Variants in LRFN5 observed in about 807,000 individuals in gnomAD.
LRFN5 encodes the protein leucine-rich repeat and fibronectin type-III domain-containing protein 5.
A neutral mutation model predicts 45.6 loss-of-function variants in LRFN5; 24 were observed. The observed-to-expected ratio is 0.53, with a 90% CI of 0.38 to 0.74. The LOEUF (loss-of-function observed/expected upper bound fraction) is 0.74, where lower values mean the gene tolerates loss of function less well. Ranked by LOEUF, LRFN5 falls within the 30% of genes least tolerant of loss-of-function variation. LRFN5 has a pLI of 0.00. For synonymous variants in LRFN5, 340 were observed against 313.8 expected (o/e 1.08, Z -0.88); for missense variants, 776 against 861.5 (o/e 0.90, Z 1.24).
At chr14:41,867,320 TGTTA>T (rs918403675) in intron 2 of LRFN5, among the ~76,000 whole-genome samples, 4 of 151,976 alleles carry the variant, frequency 2.6e-5, no homozygotes, top group Non-Finnish European at 5.9e-5. Context: ...TCATGTTAAA[TGTTA>T]GTTGGTGTAT....
chr14:41,880,817 C>T (rs1392776251), intron 2 of LRFN5, among the ~76,000 whole-genome samples: 1 of 152,150 alleles, frequency 6.6e-6, no homozygotes, highest in Non-Finnish European at 1.5e-5. Flanking sequence ...TCTGCTGAGT[C>T]CATGTGCATT....
At chr14:41,864,613 A>T (rs1002817934) in intron 2 of LRFN5, among the ~76,000 whole-genome samples, 1 of 152,198 alleles carries the variant, frequency 6.6e-6, no homozygotes, top group Non-Finnish European at 1.5e-5. Context: ...CTTATCACCA[A>T]ATAAGGTCAC....
At chr14:41,747,688 T>A (rs1884977072) in intron 1 of LRFN5, among the ~76,000 whole-genome samples, 1 of 151,968 alleles carries the variant, frequency 6.6e-6, no homozygotes, top group Non-Finnish European at 1.5e-5. Context: ...GAACATTTTT[T>A]AAAGTGCATA....
chr14:41,852,670 C>G (rs1241388424), intron 2 of LRFN5, among the ~76,000 whole-genome samples: 1 of 151,618 alleles, frequency 6.6e-6, no homozygotes, highest in African/African-American at 2.4e-5. Context: ...CTAAATTTAC[C>G]CATTAAGTTT....
intron 1 of LRFN5, among the ~76,000 whole-genome samples, chr14:41,671,285 G>A (rs1434424937): frequency 6.6e-6 from 1 of 152,064 alleles, no homozygotes. Context: ...TAAATATAAT[G>A]TCAATTGCAA....
intron 2 of LRFN5, among the ~76,000 whole-genome samples, chr14:41,813,680 T>C (rs1252920626): frequency 6.6e-6 from 1 of 152,172 alleles, no homozygotes; most frequent in Non-Finnish European, 1.5e-5. Context: ...TACAGTAGAA[T>C]GATTTATAAA....
chr14:41,650,668 A>G (rs1880068448), intron 1 of LRFN5, among the ~76,000 whole-genome samples: 1 of 152,188 alleles, frequency 6.6e-6, no homozygotes, highest in South Asian at 2.1e-4. Context: ...ATATTTATGT[A>G]GATTTATATG....
At chr14:41,726,658 AT>A (rs1338268672) in intron 1 of LRFN5, among the ~76,000 whole-genome samples, 1 of 152,112 alleles carries the variant, frequency 6.6e-6, no homozygotes, top group African/African-American at 2.4e-5. Flanking sequence ...TTTAATGGCC[AT>A]CACAGAAATC....
At chr14:41,711,888 A>G (rs548124847) in intron 1 of LRFN5, among the ~76,000 whole-genome samples, 1 of 152,344 alleles carries the variant, frequency 6.6e-6, no homozygotes, top group East Asian at 1.9e-4. Flanking sequence ...GTGCATGTGT[A>G]TGCACACATA....
chr14:41,736,233 G>C (rs1452993671), intron 1 of LRFN5, among the ~76,000 whole-genome samples: 1 of 152,090 alleles, frequency 6.6e-6, no homozygotes, highest in Non-Finnish European at 1.5e-5. Flanking sequence ...CAGTGTAATA[G>C]CGTTACTATT....
intron 2 of LRFN5, among the ~76,000 whole-genome samples, chr14:41,867,114 A>G (rs1889866643): frequency 6.6e-6 from 1 of 152,128 alleles, no homozygotes. Context: ...TTAAATCCAT[A>G]AGGCAGTACA....
chr14:41,774,544 T>C (rs984985354), intron 2 of LRFN5, among the ~76,000 whole-genome samples: 1 of 152,152 alleles, frequency 6.6e-6, no homozygotes, highest in Non-Finnish European at 1.5e-5. Flanking sequence ...ATTTGTAATA[T>C]GAAATGAATA....
At chr14:41,615,071 T>G (rs1464609118) in intron 1 of LRFN5, among the ~76,000 whole-genome samples, 3 of 152,052 alleles carry the variant, frequency 2.0e-5, no homozygotes, top group Non-Finnish European at 4.4e-5. Flanking sequence ...TGTTCAAATT[T>G]ATATTCATTT....
rs1887873640 is a variant in LRFN5 at position 41,614,682 on chromosome 14, A to G, written c.-197+6120A>G. On this transcript the variant is annotated intron_variant, in intron 1 of 5. Coordinates refer to ENST00000298119, the MANE Select transcript of LRFN5 (RefSeq NM_152447.5). ...ATGGAATTCTACCCCCCTTGGTCAC[A>G]GCCCTGTATAACCTTGAACAAGTCT... 2.0e-5 allele frequency among the ~76,000 whole-genome samples: 3 copies of G among 152,214 alleles called. No individual in the cohort carries two copies. In the South Asian group the frequency reaches 6.2e-4, roughly 32 times the overall value.
At chr14:41,776,024 G>A (rs1886281186) in intron 2 of LRFN5, among the ~76,000 whole-genome samples, 1 of 152,134 alleles carries the variant, frequency 6.6e-6, no homozygotes, top group Admixed American at 6.5e-5. Context: ...CTGGAAATTG[G>A]TGTGGCCTGA....
intron 1 of LRFN5, among the ~76,000 whole-genome samples, chr14:41,617,638 C>T (rs906968610): frequency 1.3e-5 from 2 of 152,032 alleles, no homozygotes; most frequent in Admixed American, 6.6e-5. Flanking sequence ...CTAGGAGATT[C>T]TGTAGTTGTT....
chr14:41,795,604 T>G (rs1055336442), intron 2 of LRFN5, among the ~76,000 whole-genome samples: 15 of 151,934 alleles, frequency 9.9e-5, no homozygotes, highest in South Asian at 6.2e-4. Context: ...CCATAAAAAA[T>G]GATGAGTTCA....
intron 2 of LRFN5, among the ~76,000 whole-genome samples, chr14:41,807,337 A>G (rs28547061): frequency 2.3e-4 from 35 of 152,266 alleles, no homozygotes; most frequent in African/African-American, 7.0e-4. Flanking sequence ...ACATTAAAGT[A>G]TAGAAATCAC....
chr14:41,724,737 A>G (rs1883859305), intron 1 of LRFN5, among the ~76,000 whole-genome samples: 1 of 152,200 alleles, frequency 6.6e-6, no homozygotes, highest in African/African-American at 2.4e-5. Context: ...TGTGATAATT[A>G]TTAATTTTAA....
Sources: gnomAD v4.1 joint callset for allele counts (sites outside exome capture counted in the v4.1 genomes callset) on GRCh38, gnomAD v4.1.1 for gene constraint, MANE v1.5 for transcripts, NCBI Gene and HGNC (gene_info 2026-07-23, HGNC 2026-07-21) for gene names.